The following HS6ST2 variants were observed in gnomAD, a reference collection of about 807,000 sequenced individuals.
HS6ST2 encodes the protein heparan-sulfate 6-O-sulfotransferase 2.
In HS6ST2, 17 loss-of-function variants were observed where a neutral mutation model predicts 33.0. The ratio of observed to expected loss-of-function variants is 0.52; its 90% CI spans 0.35 to 0.77. HS6ST2 has a LOEUF of 0.77. HS6ST2 is among the 30% of genes least tolerant of loss of function. The pLI is 0.01. For synonymous variants in HS6ST2, 248 were observed against 237.1 expected (o/e 1.05, Z -0.42); for missense variants, 519 against 551.7 (o/e 0.94, Z 0.59).
chrX:132,725,461 A>T (rs910120936), intron 2 of HS6ST2, among the ~76,000 whole-genome samples: 1 of 111,831 alleles, frequency 8.9e-6, no homozygotes, highest in Non-Finnish European at 1.9e-5. Context: ...CTACAATAAG[A>T]TCTCATCTCA....
intron 4 of HS6ST2, among the ~76,000 whole-genome samples, chrX:132,655,196 T>C (rs1359479321): frequency 1.8e-5 from 2 of 111,958 alleles, no homozygotes; most frequent in Admixed American, 1.9e-4. Context: ...CAATAAATAG[T>C]TGCTCATTGA....
intron 2 of HS6ST2, among the ~76,000 whole-genome samples, chrX:132,889,015 G>T (rs904974343): frequency 9.0e-6 from 1 of 110,915 alleles, no homozygotes; most frequent in African/African-American, 3.3e-5. Flanking sequence ...TAAAGCCTAA[G>T]ATTAGATCAA....
chrX:132,718,775 C>T lies in HS6ST2; in HGVS notation c.948-10281G>A, dbSNP rs905065221. ...ATGAAAACCTGGTATAAATCTTCACCATAGCTATGCTGCTCCCCTAGGACA... is the reference window on the plus strand; with the variant it reads ...ATGAAAACCTGGTATAAATCTTCACTATAGCTATGCTGCTCCCCTAGGACA... On this transcript the variant is annotated intron_variant, in intron 2 of 4. Coordinates refer to ENST00000370833, the MANE Select transcript of HS6ST2 (RefSeq NM_001394073.1). Among the ~76,000 whole-genome samples the T allele has an allele frequency of 5.5e-4, 61 of 110,765 alleles. 1 individual carries two copies. Among genetic ancestry groups the T allele is most frequent in the African/African-American group, 2.0e-3 (60 of 30,480 alleles).
At chrX:132,638,636 C>A (rs748319384) in intron 4 of HS6ST2, among the ~76,000 whole-genome samples, 2 of 112,143 alleles carry the variant, frequency 1.8e-5, no homozygotes, top group Non-Finnish European at 3.8e-5. Flanking sequence ...CCTAAATGAT[C>A]TGGATGCTGA....
At position 132,799,136 on chromosome X, in the gene HS6ST2, A is replaced by G. The variant is rs767667212; in HGVS notation, c.948-90642T>C. On this transcript the variant is annotated intron_variant, in intron 2 of 4. Transcript: ENST00000370833. ...AACAAGAGGTGAGTTTCTAGGCTTT[A>G]GAAGTCCTTTCAGAGAAACTGATGG... 2.7e-5 allele frequency among the ~76,000 whole-genome samples: 3 copies of G among 111,170 alleles called. No individual in the cohort carries two copies. In the South Asian group the frequency reaches 1.2e-3, roughly 43 times the overall value.
chrX:132,789,889 T>TG (rs1185125307), intron 2 of HS6ST2, among the ~76,000 whole-genome samples: 3 of 112,064 alleles, frequency 2.7e-5, no homozygotes, highest in Admixed American at 9.5e-5. Flanking sequence ...TGATCAAACT[T>TG]GAAGGAATGA....
In HS6ST2 at chrX:132,630,618, C is replaced by T. The variant is rs111776813; in HGVS notation, c.1068-1525G>A. Among the ~76,000 whole-genome samples, 584 of 111,694 alleles carry T rather than the reference C, an allele frequency of 5.2e-3. 8 individuals carry two copies. The highest frequency in any genetic ancestry group is 0.018 in the African/African-American group (543 of 30,719). On this transcript the variant is annotated intron_variant, in intron 4 of 4. Transcript: ENST00000370833. The stretch of plus-strand genomic sequence containing the variant: ...GTTATCATTTCTTCCTCTGTGTTGC[C>T]ATAGCACTTCTATACTTAGCCTTTG...
At chrX:132,920,505 A>C (rs1268319353) in intron 2 of HS6ST2, among the ~76,000 whole-genome samples, 1 of 112,304 alleles carries the variant, frequency 8.9e-6, no homozygotes, top group Non-Finnish European at 1.9e-5. Context: ...TTGTTGATCG[A>C]TGTACACTAA....
intron 2 of HS6ST2, among the ~76,000 whole-genome samples, chrX:132,952,364 CTG>C: frequency 2.9e-5 from 2 of 68,536 alleles, no homozygotes; most frequent in Admixed American, 2.5e-4. Context: ...CTAAGTAAAA[CTG>C]AGCCCAACAG....
intron 2 of HS6ST2, among the ~76,000 whole-genome samples, chrX:132,805,266 G>A (rs1048322072): frequency 1.8e-5 from 2 of 111,715 alleles, no homozygotes; most frequent in African/African-American, 3.3e-5. Context: ...GCAGAAGTAC[G>A]GGGCACAACA....
At chrX:132,858,689 T>C (rs751802362) in intron 2 of HS6ST2, among the ~76,000 whole-genome samples, 1 of 111,819 alleles carries the variant, frequency 8.9e-6, no homozygotes, top group African/African-American at 3.2e-5. Flanking sequence ...GGCAGTGCAA[T>C]AGAATCAAAG....
At chrX:132,775,972 A>T (rs868173621) in intron 2 of HS6ST2, among the ~76,000 whole-genome samples, 9 of 111,668 alleles carry the variant, frequency 8.1e-5, no homozygotes, top group South Asian at 3.8e-4. Context: ...CAAATACTCA[A>T]ATTTAGATGC....
At chrX:132,765,745 C>A (rs756720673) in intron 2 of HS6ST2, among the ~76,000 whole-genome samples, 1 of 112,369 alleles carries the variant, frequency 8.9e-6, no homozygotes, top group South Asian at 3.8e-4. Flanking sequence ...GCCACTGCAC[C>A]CGGCCCTAGA....
intron 3 of HS6ST2, among the ~76,000 whole-genome samples, chrX:132,682,849 TA>T (rs1359096237): frequency 6.3e-5 from 7 of 110,874 alleles, no homozygotes; most frequent in Non-Finnish European, 1.3e-4. Flanking sequence ...CTCACACCTG[TA>T]ATCCCAACAC....
intron 2 of HS6ST2, among the ~76,000 whole-genome samples, chrX:132,734,741 GA>G (rs1401241456): frequency 1.8e-5 from 2 of 112,531 alleles, no homozygotes; most frequent in Non-Finnish European, 3.7e-5. Flanking sequence ...CAGGCTTCCC[GA>G]AAAACAGAAA....
intron 2 of HS6ST2, among the ~76,000 whole-genome samples, chrX:132,813,356 C>T (rs1157809402): frequency 1.8e-5 from 2 of 111,493 alleles, no homozygotes; most frequent in African/African-American, 3.3e-5. Flanking sequence ...GGTCCTCTTG[C>T]TACCTCTCCA....
At chrX:132,756,722 G>A (rs1195933771) in intron 2 of HS6ST2, among the ~76,000 whole-genome samples, 5 of 109,590 alleles carry the variant, frequency 4.6e-5, no homozygotes, top group Non-Finnish European at 9.5e-5. Flanking sequence ...CTGTGATCTC[G>A]CTTTCTTTAT....
At chrX:132,896,984 G>A (rs181422526) in intron 2 of HS6ST2, among the ~76,000 whole-genome samples, 114 of 111,771 alleles carry the variant, frequency 1.0e-3, no homozygotes, top group African/African-American at 3.6e-3. Context: ...GAAGGATTTC[G>A]ACAGCATGTG....
intron 2 of HS6ST2, among the ~76,000 whole-genome samples, chrX:132,722,289 A>G (rs2042981319): frequency 1.8e-5 from 2 of 111,783 alleles, no homozygotes; most frequent in South Asian, 7.4e-4. Flanking sequence ...AAATAAATGC[A>G]ATGTAAATGA....
Sources: gnomAD v4.1 joint callset for allele counts (sites outside exome capture counted in the v4.1 genomes callset) on GRCh38, gnomAD v4.1.1 for gene constraint, MANE v1.5 for transcripts, NCBI Gene and HGNC (gene_info 2026-07-23, HGNC 2026-07-21) for gene names.